The following PPP1R9A variants were observed in gnomAD, a reference collection of about 807,000 sequenced individuals.
PPP1R9A encodes the protein neurabin-1.
In PPP1R9A, 59 loss-of-function variants were observed where a neutral mutation model predicts 141.9. The observed-to-expected ratio is 0.42, with a 90% confidence interval of 0.34 to 0.52. PPP1R9A has a LOEUF of 0.52. PPP1R9A is among the 20% of genes least tolerant of loss of function. The pLI is 0.10. For synonymous variants in PPP1R9A, 500 were observed against 569.7 expected (o/e 0.88, Z 1.74); for missense variants, 1,444 against 1,611.9 (o/e 0.90, Z 1.78).
At chr7:95,119,004 A>G (rs1488109166) in intron 3 of PPP1R9A, among the ~76,000 whole-genome samples, 4 of 151,754 alleles carry the variant, frequency 2.6e-5, no homozygotes, top group South Asian at 4.2e-4. Context: ...AAAAAGAAGA[A>G]GAAGAAAGAA....
intron 10 of PPP1R9A, among the ~76,000 whole-genome samples, chr7:95,251,369 G>A (rs188860658): frequency 5.9e-5 from 9 of 151,904 alleles, no homozygotes; most frequent in East Asian, 3.9e-4. Flanking sequence ...TATCTTTTTC[G>A]AACTCTTATC....
At chr7:95,015,751 A>C (rs2151664873) in intron 2 of PPP1R9A, among the ~76,000 whole-genome samples, 1 of 152,228 alleles carries the variant, frequency 6.6e-6, no homozygotes, top group African/African-American at 2.4e-5. Context: ...AGTTAGGATA[A>C]GTACAAAGAA....
At chr7:95,071,704 T>C (rs980888530) in intron 2 of PPP1R9A, among the ~76,000 whole-genome samples, 2 of 151,952 alleles carry the variant, frequency 1.3e-5, no homozygotes, top group African/African-American at 4.8e-5. Flanking sequence ...CTTAGTAAAA[T>C]TTAAATCTGT....
At chr7:95,128,988 C>T (rs1032956883) in intron 4 of PPP1R9A, among the ~76,000 whole-genome samples, 4 of 152,166 alleles carry the variant, frequency 2.6e-5, no homozygotes, top group African/African-American at 9.7e-5. Context: ...TGAGGTCTTA[C>T]GTTTAAATCT....
chr7:95,134,940 A>G (rs562577504), intron 4 of PPP1R9A, among the ~76,000 whole-genome samples: 22 of 151,890 alleles, frequency 1.4e-4, no homozygotes, highest in African/African-American at 5.3e-4. Flanking sequence ...ACAGTATTAT[A>G]CGTTAGGGCT....
At chr7:95,281,492 C>G (rs1033094034) in intron 16 of PPP1R9A, among the ~76,000 whole-genome samples, 18 of 152,174 alleles carry the variant, frequency 1.2e-4, no homozygotes, top group Non-Finnish European at 2.2e-4. Flanking sequence ...CAAGACCCTC[C>G]TCAGTGCTGG....
chr7:95,073,233 G>T (rs563490522), intron 2 of PPP1R9A, among the ~76,000 whole-genome samples: 1 of 151,748 alleles, frequency 6.6e-6, no homozygotes, highest in African/African-American at 2.4e-5. Context: ...TGATCCACCT[G>T]CCTCGGTCTC....
At chr7:95,206,370 A>G (rs1328455548) in intron 7 of PPP1R9A, among the ~76,000 whole-genome samples, 1 of 152,194 alleles carries the variant, frequency 6.6e-6, no homozygotes, top group African/African-American at 2.4e-5. Context: ...ATTTATTGAG[A>G]TAAATTTGAC....
At chr7:95,189,899 A>C (rs1346441700) in intron 5 of PPP1R9A, among the ~76,000 whole-genome samples, 3 of 151,828 alleles carry the variant, frequency 2.0e-5, no homozygotes, top group African/African-American at 7.3e-5. Context: ...CAGAAGTTGT[A>C]ATTGTTTTTC....
intron 2 of PPP1R9A, among the ~76,000 whole-genome samples, chr7:94,990,387 G>A (rs1424869442): frequency 6.6e-6 from 1 of 152,024 alleles, no homozygotes; most frequent in Non-Finnish European, 1.5e-5. Flanking sequence ...CATTAAACAA[G>A]TGTGTGCTAA....
chr7:95,240,045 A>G (rs1319179046), intron 8 of PPP1R9A, among the ~76,000 whole-genome samples: 1 of 152,054 alleles, frequency 6.6e-6, no homozygotes, highest in East Asian at 1.9e-4. Context: ...CTTCATTCTT[A>G]TATTCTGAAT....
In PPP1R9A at chr7:94,910,421, A is replaced by G. The variant is rs987070252; in HGVS notation, c.308A>G (p.Lys103Arg). ...HSSPQRRMKP[K>R]EFLEKTDGSV... ...TCTCCTCAGAGAAGAATGAAGCCCAAAGAATTTCTGGAAAAAACAGATGGC... is the reference window on the plus strand; with the variant it reads ...TCTCCTCAGAGAAGAATGAAGCCCAGAGAATTTCTGGAAAAAACAGATGGC... Residue 103 changes from lysine to arginine, a missense_variant, in exon 2 of 20, where the codon AAA (lysine) becomes AGA (arginine). By Grantham distance (26) the Lys-to-Arg change is conservative (BLOSUM62 2). This residue lies in a region of PPP1R9A where 490 missense variants were observed against 521.1 expected (regional missense o/e 0.94). Transcript: ENST00000433360. This position sits in a 1 kb window ranked among gnomAD's most constrained non-coding sequence, Gnocchi z 4.5. 6.2e-7 allele frequency: 1 copy of G among 1,614,050 alleles called. No homozygotes were observed. Among genetic ancestry groups the G allele is most frequent in the South Asian group, 1.1e-5 (1 of 91,080 alleles).
intron 2 of PPP1R9A, among the ~76,000 whole-genome samples, chr7:95,023,644 C>T (rs1806346382): frequency 6.6e-6 from 1 of 152,102 alleles, no homozygotes; most frequent in African/African-American, 2.4e-5. Context: ...AGCTCTGCCT[C>T]CTGGTTTCAC....
intron 2 of PPP1R9A, among the ~76,000 whole-genome samples, chr7:94,916,374 C>T (rs1039149104): frequency 2.6e-5 from 4 of 152,190 alleles, no homozygotes; most frequent in Non-Finnish European, 5.9e-5. Flanking sequence ...ATCAAGAGAT[C>T]ACTCTTTGGA....
At chr7:94,975,732 G>A (rs1441859995) in intron 2 of PPP1R9A, among the ~76,000 whole-genome samples, 1 of 152,064 alleles carries the variant, frequency 6.6e-6, no homozygotes. Context: ...TTTTGTTTCT[G>A]TGGGAAAATA....
chr7:95,120,223 C>A (rs1822315242), intron 3 of PPP1R9A, among the ~76,000 whole-genome samples: 1 of 152,138 alleles, frequency 6.6e-6, no homozygotes, highest in Non-Finnish European at 1.5e-5. Context: ...TCCCAAAGTT[C>A]TGGGATTGCT....
At chr7:94,916,693 G>A (rs1260641546) in intron 2 of PPP1R9A, among the ~76,000 whole-genome samples, 1 of 152,130 alleles carries the variant, frequency 6.6e-6, no homozygotes, top group Non-Finnish European at 1.5e-5. Flanking sequence ...AATGGAATCA[G>A]AAATTTCATT....
intron 2 of PPP1R9A, among the ~76,000 whole-genome samples, chr7:94,980,721 C>A (rs912349992): frequency 6.6e-6 from 1 of 151,780 alleles, no homozygotes; most frequent in Non-Finnish European, 1.5e-5. Context: ...AGGTGCCGCA[C>A]AACTATGGAG....
intron 2 of PPP1R9A, among the ~76,000 whole-genome samples, chr7:94,926,986 G>A (rs1249191820): frequency 6.6e-6 from 1 of 152,048 alleles, no homozygotes; most frequent in African/African-American, 2.4e-5. Context: ...TACATTATCT[G>A]GAAAATGTCT....
Sources: gnomAD v4.1 joint callset for allele counts (sites outside exome capture counted in the v4.1 genomes callset) on GRCh38, gnomAD v4.1.1 for gene constraint, gnomAD v4.1.1 regional missense constraint, Gnocchi (gnomAD v3.1) non-coding constraint, MANE v1.5 for transcripts, NCBI Gene and HGNC (gene_info 2026-07-23, HGNC 2026-07-21) for gene names.